The following PTBP3 variants were observed in gnomAD, a reference collection of about 807,000 sequenced individuals.
PTBP3 encodes the protein polypyrimidine tract binding protein 3, also known as polypyrimidine tract-binding protein 3.
PTBP3 carries 20 observed loss-of-function variants against 58.7 expected under a neutral mutation model. The ratio of observed to expected loss-of-function variants is 0.34; its 90% CI spans 0.24 to 0.50. The LOEUF (loss-of-function observed/expected upper bound fraction) is 0.50. Among genes scored for constraint, PTBP3 ranks in the 20% least tolerant of loss-of-function variants. The probability of loss-of-function intolerance (pLI) is 0.98; values close to 1 mark genes in which losing one functional copy is unlikely to be tolerated. For synonymous variants in PTBP3, 185 were observed against 219.8 expected, an observed-to-expected ratio of 0.84 and a Z score of 1.40; for missense variants, 509 against 637.2, an observed-to-expected ratio of 0.80 and a Z score of 2.17.
At chr9:112,289,963 T>C (rs977640978) in intron 2 of PTBP3, among the ~76,000 whole-genome samples, 2 of 152,182 alleles carry the variant, frequency 1.3e-5, no homozygotes, top group African/African-American at 4.8e-5. Context: ...AGAAAAGACT[T>C]CTTAAGCTGA....
At chr9:112,241,751 A>G (rs911579545) in intron 7 of PTBP3, among the ~76,000 whole-genome samples, 1 of 152,222 alleles carries the variant, frequency 6.6e-6, no homozygotes, top group Non-Finnish European at 1.5e-5. Context: ...ATCACAATCA[A>G]GATAACAAAT....
chr9:112,231,917 GAGAA>G (rs1404858126), intron 9 of PTBP3, among the ~76,000 whole-genome samples, 178 bp downstream of exon 9: 2 of 39,452 alleles, frequency 5.1e-5, no homozygotes. Flanking sequence ...AAGAAAAGAA[GAGAA>G]GAGAAGAGAA....
At chr9:112,367,019 C>T in the PTBP3 span, among the ~76,000 whole-genome samples, 121 of 152,248 alleles carry the variant, frequency 7.9e-4, 2 homozygotes, top group East Asian at 0.02. Context: ...GATTTGACTG[C>T]CCTGCTTTCT....
At chr9:112,300,471 G>A (rs1054679505) in intron 1 of PTBP3, among the ~76,000 whole-genome samples, 3 of 152,198 alleles carry the variant, frequency 2.0e-5, no homozygotes, top group Non-Finnish European at 2.9e-5. Flanking sequence ...CGTCAGTCAC[G>A]GCCGGGCGTG....
At chr9:112,287,610 G>A (rs973107297) in intron 2 of PTBP3, among the ~76,000 whole-genome samples, 7 of 151,768 alleles carry the variant, frequency 4.6e-5, no homozygotes, top group Non-Finnish European at 8.8e-5. Flanking sequence ...CAAAGTGCTA[G>A]GATTACAGGG....
At chr9:112,359,629 C>T in the PTBP3 span, among the ~76,000 whole-genome samples, 1 of 152,044 alleles carries the variant, frequency 6.6e-6, no homozygotes, top group Non-Finnish European at 1.5e-5. Flanking sequence ...CATGTTGAAA[C>T]CCCGTCTCTA....
chr9:112,293,614 T>C (rs1267730091), intron 2 of PTBP3, among the ~76,000 whole-genome samples: 1 of 152,160 alleles, frequency 6.6e-6, no homozygotes. Flanking sequence ...GTGACGAAGT[T>C]CTAGCTAACA....
intron 5 of PTBP3, among the ~76,000 whole-genome samples, chr9:112,260,815 C>G (rs1218453727): frequency 6.6e-6 from 1 of 152,164 alleles, no homozygotes; most frequent in Non-Finnish European, 1.5e-5. Flanking sequence ...AGTGCTATAA[C>G]TGAAAGGCTG....
the PTBP3 span, among the ~76,000 whole-genome samples, chr9:112,376,966 A>G: frequency 6.6e-6 from 1 of 152,230 alleles, no homozygotes; most frequent in African/African-American, 2.4e-5. Context: ...CTTTCTTCCC[A>G]GAATTATGAA....
chr9:112,275,133 C>CT (rs1216564336), intron 3 of PTBP3, among the ~76,000 whole-genome samples: 9 of 81,036 alleles, frequency 1.1e-4, no homozygotes, highest in East Asian at 9.1e-4. Flanking sequence ...CAATACTATA[C>CT]TTTTTATTTT....
rs146929453 is a variant in PTBP3, at chr9:112,281,135, G to A, written c.35-5122C>T. On this transcript the variant is annotated intron_variant, in intron 2 of 13. Coordinates refer to ENST00000374257, the MANE Select transcript of PTBP3 (RefSeq NM_001163788.4). ...AGCCTGGGCAACATAGCAAGACCCC[G>A]TTCTCTAATGAAAATTATTAATGCA... The A allele has an allele frequency of 2.4e-3, 375 of 153,538 alleles. 2 individuals carry two copies. The highest frequency in any genetic ancestry group is 8.8e-3 in the African/African-American group (367 of 41,604). 9.5% of individuals were successfully genotyped at this position (153,538 alleles called of 1,614,324 possible).
intron 2 of PTBP3, among the ~76,000 whole-genome samples, chr9:112,277,218 C>CT (rs1258526400): frequency 2.0e-5 from 3 of 152,136 alleles, no homozygotes; most frequent in Admixed American, 6.6e-5. Flanking sequence ...AAGCAGCATC[C>CT]TCCCCAGACC....
At chr9:112,343,789 T>C in the PTBP3 span, among the ~76,000 whole-genome samples, 1 of 41,832 alleles carries the variant, frequency 2.4e-5, no homozygotes, top group East Asian at 4.6e-4. Flanking sequence ...AGACTCTATC[T>C]CAAAAAAAAA....
Position 112,314,957 on chromosome 9 carries a change from A to G in PTBP3, c.-51-17041T>C, listed in dbSNP as rs573427318. Among the ~76,000 whole-genome samples the G allele has an allele frequency of 7.9e-5, 12 of 151,404 alleles. 1 individual carries two copies. Among genetic ancestry groups the G allele is most frequent in the African/African-American group, 2.7e-4 (11 of 41,200 alleles). Reference sequence around the variant, plus strand: ...CACCATTCTCCTGCCTCAGCCTCCCAAGTAGCTGGGACTACAGGCACACGC... The same window carrying G: ...CACCATTCTCCTGCCTCAGCCTCCCGAGTAGCTGGGACTACAGGCACACGC... On this transcript the variant is annotated intron_variant, in intron 1 of 13. Coordinates refer to ENST00000374257, the MANE Select transcript of PTBP3 (RefSeq NM_001163788.4).
At chr9:112,355,771 C>T in the PTBP3 span, among the ~76,000 whole-genome samples, 1 of 151,926 alleles carries the variant, frequency 6.6e-6, no homozygotes, top group Non-Finnish European at 1.5e-5. Context: ...AGGCATGCGC[C>T]ACCGCGCCTG....
intron 1 of PTBP3, among the ~76,000 whole-genome samples, chr9:112,314,616 G>A (rs1829626490): frequency 6.6e-6 from 1 of 152,066 alleles, no homozygotes; most frequent in Non-Finnish European, 1.5e-5. Context: ...GATCCCTTAA[G>A]CCTAGAAGAG....
intron 9 of PTBP3, 132 bp downstream of exon 9, chr9:112,231,963 AGAAG>A (rs1564391315): frequency 0.016 from 5,137 of 329,540 alleles, 41 homozygotes; most frequent in African/African-American, 0.034. Context: ...AGAAGAGAAG[AGAAG>A]AGAGAAGAGA....
intron 2 of PTBP3, among the ~76,000 whole-genome samples, chr9:112,290,392 C>T (rs542445801): frequency 1.3e-5 from 2 of 152,072 alleles, no homozygotes; most frequent in African/African-American, 2.4e-5. Flanking sequence ...TACACAATAT[C>T]GGCCAGGCAT....
intron 1 of PTBP3, 31 bp downstream of exon 1, chr9:112,333,439 C>CG: frequency 6.4e-7 from 1 of 1,570,342 alleles, no homozygotes; most frequent in Non-Finnish European, 8.6e-7. Context: ...CAAGGCAACC[C>CG]GGTGCGGCCG....
Sources: gnomAD v4.1 joint callset for allele counts (sites outside exome capture counted in the v4.1 genomes callset) on GRCh38, gnomAD v4.1.1 for gene constraint, MANE v1.5 for transcripts, NCBI Gene and HGNC (gene_info 2026-07-23, HGNC 2026-07-21) for gene names.